The following F12 variants were observed in gnomAD, a reference collection of about 807,000 sequenced individuals.
F12 encodes the protein coagulation factor XII, also known as Hageman factor.
In F12, 70 loss-of-function variants were observed where a neutral mutation model predicts 74.8. The ratio of observed to expected loss-of-function variants is 0.94; its 90% CI spans 0.77 to 1.14. The LOEUF (loss-of-function observed/expected upper bound fraction) is 1.14. Among genes scored for constraint, F12 ranks in the 50% most tolerant of loss-of-function variants. F12 has a pLI of 0.00. For synonymous variants in F12, 373 were observed against 356.4 expected (o/e 1.05, Z -0.52); for missense variants, 811 against 835.7 (o/e 0.97, Z 0.36).
rs759549864 is a variant in F12, at chr5:177,402,385, G to C, written c.1755C>G (p.Ser585Arg). 4 of 1,613,602 alleles carry C rather than the reference G, an allele frequency of 2.5e-6. No individual in the cohort carries two copies. The highest frequency in any genetic ancestry group is 3.4e-6 in the Non-Finnish European group (4 of 1,179,928). The change falls in exon 14 of 14, where the codon AGC (serine) becomes AGG (arginine). Residue 585 changes from serine (S) to arginine (R), a missense_variant. Transcript: ENST00000253496. Reference sequence around the variant, plus strand: ...TGCGGTCACCACAGCCCGATCCCCAGCTGATGATGCCTTGCAGGGTGAGCC... The same window carrying C: ...TGCGGTCACCACAGCCCGATCCCCACCTGATGATGCCTTGCAGGGTGAGCC... ...ERRLTLQGII[S>R]WGSGCGDRNK...
chr5:177,403,233 G>T (rs1205495531), intron 12 of F12, 21 bp downstream of exon 12: 4 of 1,599,838 alleles, frequency 2.5e-6, no homozygotes, highest in Non-Finnish European at 2.5e-6. Context: ...CCCTACCCCT[G>T]CCCCTAGCAG....
chr5:177,404,625 T>C lies in F12; in HGVS notation c.674A>G (p.Tyr225Cys). ...GAGCGTGGTCCTGGCCAGGCCGCGGTAGCTGAGCCCGCGGCCATCATAGCA... is the reference window on the plus strand; with the variant it reads ...GAGCGTGGTCCTGGCCAGGCCGCGGCAGCTGAGCCCGCGGCCATCATAGCA... ...ASCYDGRGLS[Y>C]RGLARTTLSG... Residue 225 changes from tyrosine (Y) to cysteine (C), a missense_variant, in exon 8 of 14, where the codon TAC (tyrosine) becomes TGC (cysteine). Coordinates refer to ENST00000253496, the MANE Select transcript of F12 (RefSeq NM_000505.4). 1.2e-6 allele frequency: 2 copies of C among 1,605,896 alleles called. No individual in the cohort carries two copies. The highest frequency in any genetic ancestry group is 2.2e-5 in the South Asian group (2 of 90,940).
In F12 at chr5:177,402,327, AG is replaced by A. The variant is rs767187289; in HGVS notation, c.1812del (p.Tyr605ThrfsTer59). ...NKPGVYTDVA[Y>X]YLAWIREHTV... is the part of the protein sequence containing the mutation. Reference sequence around the variant, plus strand: ...GTGTGCTCCCGGATCCAGGCCAGGTAGTAGGCCACATCGGTGTAGACGCCTG... The same window carrying A: ...GTGTGCTCCCGGATCCAGGCCAGGTATAGGCCACATCGGTGTAGACGCCTG... On this transcript the variant is annotated frameshift_variant, in exon 14 of 14. Transcript: ENST00000253496. LOFTEE classifies it high-confidence loss of function. 1.2e-6 allele frequency: 2 copies of A among 1,613,878 alleles called. No homozygotes were observed. The highest frequency in any genetic ancestry group is 1.7e-6 in the Non-Finnish European group (2 of 1,180,018).
chr5:177,403,728 C>T (rs967373064), intron 10 of F12, 111 bp from the exon 11 acceptor site: 156 of 1,505,006 alleles, frequency 1.0e-4, no homozygotes, highest in Non-Finnish European at 1.3e-4. Context: ...TCCCCGGGAG[C>T]TCCGGAGGGG....
chr5:177,404,890 T>C lies in F12; in HGVS notation c.554A>G (p.His185Arg), dbSNP rs2127360444. The change falls in exon 7 of 14, where the codon CAT (histidine) becomes CGT (arginine). Residue 185 changes from histidine (H) to arginine (R), a missense_variant. Coordinates refer to ENST00000253496, the MANE Select transcript of F12 (RefSeq NM_000505.4). ...CTCCACCTCTAGGCAGCGACCCCCA[T>C]GGAGGCACGGGTTGGTGCGGCAGGC... Reference protein sequence around the residue: ...SQACRTNPCLHGGRCLEVEGH... With the variant: ...SQACRTNPCLRGGRCLEVEGH... 6.2e-7 allele frequency: 1 copy of C among 1,607,950 alleles called. No homozygotes were observed. Among genetic ancestry groups the C allele is most frequent in the South Asian group, 1.1e-5 (1 of 90,494 alleles).
rs923744998 is a variant in F12, at chr5:177,404,415, T to C, written c.801-2A>G. On this transcript the variant is annotated splice_acceptor_variant, in intron 8 of 13. Coordinates refer to ENST00000253496, the MANE Select transcript of F12 (RefSeq NM_000505.4). LOFTEE classifies it high-confidence loss of function. ...GGGCGGATGTCGTTGTCCGGGTTCC[T>C]GTAGCCACACGACGGGGCGCCGTTA... is the stretch of plus-strand genomic sequence containing the variant. 6.2e-7 allele frequency: 1 copy of C among 1,611,354 alleles called. No homozygotes were observed. The highest frequency in any genetic ancestry group is 2.2e-5 in the East Asian group (1 of 44,824).
chr5:177,402,834 GC>G, intron 12 of F12, 136 bp from the exon 13 acceptor site: 6 of 1,261,746 alleles, frequency 4.8e-6, no homozygotes, highest in Non-Finnish European at 6.7e-6. Flanking sequence ...GGGAGGAGGT[GC>G]CATTAATTCA....
At position 177,404,896 on chromosome 5, in the gene F12, C is replaced by A. The variant is rs781453340; in HGVS notation, c.548G>T (p.Cys183Phe). The A allele has an allele frequency of 6.2e-7, 1 of 1,606,910 alleles. No individual in the cohort carries two copies. Among genetic ancestry groups the A allele is most frequent in the South Asian group, 1.1e-5 (1 of 90,428 alleles). ...LASQACRTNP[C>F]LHGGRCLEVE... is the part of the protein sequence containing the mutation. Reference sequence around the variant, plus strand: ...CTCTAGGCAGCGACCCCCATGGAGGCACGGGTTGGTGCGGCAGGCTTGGGG... The same window carrying A: ...CTCTAGGCAGCGACCCCCATGGAGGAACGGGTTGGTGCGGCAGGCTTGGGG... The change falls in exon 7 of 14, where the codon TGC (cysteine) becomes TTC (phenylalanine). Residue 183 changes from cysteine (C) to phenylalanine (F), a missense_variant. Coordinates refer to ENST00000253496, the MANE Select transcript of F12 (RefSeq NM_000505.4).
At chr5:177,409,225 C>T (rs1214561753) in intron 1 of F12, 122 bp from the exon 2 acceptor site, 2 of 1,103,060 alleles carry the variant, frequency 1.8e-6, no homozygotes, top group Non-Finnish European at 2.7e-6. Context: ...AAGACCCAAA[C>T]CCTTTCTACC....
Position 177,404,195 on chromosome 5 carries a change from C to A in F12, c.1018+1G>T, listed in dbSNP as rs1023048353. ...CCTCCTTCCCCCCCCCACTTCCTAA[C>A]CTCCCGGGGTCTGGGACTGAGGCGG... On this transcript the variant is annotated splice_donor_variant, in intron 9 of 13. Transcript: ENST00000253496. LOFTEE classifies it high-confidence loss of function. 6.2e-7 allele frequency: 1 copy of A among 1,601,814 alleles called. No homozygotes were observed. Among genetic ancestry groups the A allele is most frequent in the Non-Finnish European group, 8.5e-7 (1 of 1,174,098 alleles).
intron 13 of F12, 34 bp downstream of exon 13, chr5:177,402,516 T>G: frequency 6.2e-7 from 1 of 1,603,482 alleles, no homozygotes; most frequent in Non-Finnish European, 8.5e-7. Context: ...CCTGACGGCC[T>G]CGGGGAAGGG....
chr5:177,402,971 G>A (rs974252080), intron 12 of F12: 2 of 668,962 alleles, frequency 3.0e-6, no homozygotes, highest in Non-Finnish European at 5.0e-6. Flanking sequence ...CTAGCCCGGA[G>A]CGCGGGGCCA....
At chr5:177,409,353 C>A in intron 1 of F12, 118 bp downstream of exon 1, 2 of 1,284,606 alleles carry the variant, frequency 1.6e-6, no homozygotes, top group Admixed American at 3.9e-5. Context: ...CCTCACCTTT[C>A]CACATAGGCC....
chr5:177,406,087 G>T, intron 2 of F12, 26 bp from the exon 3 acceptor site: 1 of 1,589,322 alleles, frequency 6.3e-7, no homozygotes, highest in Non-Finnish European at 8.6e-7. Flanking sequence ...ACTCTCTGAG[G>T]ACTTCCCCTG....
chr5:177,409,079 C>T lies in F12; in HGVS notation c.82G>A (p.Glu28Lys), dbSNP rs754600493. 1.8e-5 allele frequency: 28 copies of T among 1,551,606 alleles called. No individual in the cohort carries two copies. The Middle Eastern group carries it at 8.5e-4, about 47-fold the overall frequency. Residue 28 changes from glutamate to lysine, a missense_variant, in exon 2 of 14, where the codon GAG becomes AAG. Transcript: ENST00000253496. ...LSIPPWEAPKEHKYKAEEHTV... is the reference protein window; with the variant it reads ...LSIPPWEAPKKHKYKAEEHTV... ...TGCTCTTCAGCTTTGTACTTATGCT[C>T]CTTGGGGGCTTCCCAAGGTGGAATC...
Position 177,402,267 on chromosome 5 carries a change from G to C in F12, c.*25C>G. The C allele has an allele frequency of 6.2e-7, 1 of 1,612,834 alleles. No individual in the cohort carries two copies. The highest frequency in any genetic ancestry group is 8.5e-7 in the Non-Finnish European group (1 of 1,179,634). On this transcript the variant is annotated 3_prime_UTR_variant, in exon 14 of 14. Coordinates refer to ENST00000253496, the MANE Select transcript of F12 (RefSeq NM_000505.4). ...ACTCTCTCACTGCGGAATCACCAAGGAGGGAAAGATGAGTCCCTGAGCAAT... is the reference window on the plus strand; with the variant it reads ...ACTCTCTCACTGCGGAATCACCAAGCAGGGAAAGATGAGTCCCTGAGCAAT...
In F12 at chr5:177,404,056, C is replaced by T. The variant is rs746801700; in HGVS notation, c.1053G>A (p.Leu351=). Residue 351 remains leucine, a synonymous_variant, in exon 10 of 14, where the codon CTG becomes CTA. Coordinates refer to ENST00000253496, the MANE Select transcript of F12 (RefSeq NM_000505.4). The part of the protein sequence containing the change: ...LPAKREQPPS[L]TRNGPLSCGQ... ...CGCAGCTCAGTGGGCCGTTCCTGGT[C>T]AGGGAAGGCGGCTGCTCCCGCTTCG... 1 of 1,602,786 alleles carries T rather than the reference C, an allele frequency of 6.2e-7. No individual in the cohort carries two copies. Among genetic ancestry groups the T allele is most frequent in the Admixed American group, 1.7e-5 (1 of 59,938 alleles).
Position 177,404,290 on chromosome 5 carries a change from G to A in F12, c.924C>T (p.Ser308=). The A allele has an allele frequency of 6.2e-7, 1 of 1,601,260 alleles. No individual in the cohort carries two copies. The highest frequency in any genetic ancestry group is 8.5e-7 in the Non-Finnish European group (1 of 1,173,520). The change falls in exon 9 of 14, where the codon TCC becomes TCT. Residue 308 remains serine, a synonymous_variant. Transcript: ENST00000253496. ...GCATGAGTGGGACATGAAGCCTAGG[G>A]GACACCGGGGTCGGAGGCGCCGCCT... The part of the protein sequence containing the change: ...PTQAAPPTPV[S]PRLHVPLMPA...
chr5:177,403,896 AG>A lies in F12; in HGVS notation c.1212del (p.Cys405AlafsTer4). On this transcript the variant is annotated frameshift_variant, in exon 10 of 14. Transcript: ENST00000253496. LOFTEE classifies it high-confidence loss of function. ...HSFCAGSLIAPCWVLTAAHCL... is the reference protein window; with the variant it reads ...HSFCAGSLIAXCWVLTAAHCL... The stretch of plus-strand genomic sequence containing the variant: ...CAGTGAGCGGCCGTCAGCACCCAGC[AG>A]GGGGCGATGAGGCTGCCGGCGCAGA... The A allele has an allele frequency of 1.3e-6, 2 of 1,579,516 alleles. No homozygotes were observed. The highest frequency in any genetic ancestry group is 2.3e-5 in the East Asian group (1 of 43,690).
Sources: allele counts gnomAD v4.1 joint callset, GRCh38; gene constraint gnomAD v4.1.1; transcripts MANE v1.5; gene names NCBI Gene and HGNC (gene_info 2026-07-23, HGNC 2026-07-21).